The following AMPH variants were observed in gnomAD, a reference collection of about 807,000 sequenced individuals.
The protein encoded by AMPH is amphiphysin (Stiff-Mann syndrome with breast cancer 128kD autoantigen).
A neutral mutation model predicts 99.1 loss-of-function variants in AMPH; 49 were observed. The ratio of observed to expected loss-of-function variants is 0.49; its 90% CI spans 0.39 to 0.63. AMPH has a LOEUF of 0.63. Among genes scored for constraint, AMPH ranks in the 20% least tolerant of loss-of-function variants. The pLI, the probability that AMPH is intolerant of heterozygous loss-of-function variation, is 0.00. For synonymous variants in AMPH, 314 were observed against 317.3 expected (o/e 0.99, Z 0.11); for missense variants, 759 against 863.4 (o/e 0.88, Z 1.52).
At chr7:38,523,882 C>T (rs1790064520) in intron 2 of AMPH, among the ~76,000 whole-genome samples, 1 of 151,980 alleles carries the variant, frequency 6.6e-6, no homozygotes, top group Non-Finnish European at 1.5e-5. Flanking sequence ...CAGTCTCAAA[C>T]TATATCCCCA....
intron 1 of AMPH, among the ~76,000 whole-genome samples, chr7:38,611,576 T>C (rs1793680305): frequency 6.6e-6 from 1 of 152,252 alleles, no homozygotes; most frequent in South Asian, 2.1e-4. Context: ...ACATACAGCC[T>C]TAATGGCTAA....
intron 1 of AMPH, among the ~76,000 whole-genome samples, chr7:38,600,250 T>C (rs1793200822): frequency 6.6e-6 from 1 of 152,138 alleles, no homozygotes; most frequent in Admixed American, 6.6e-5. Context: ...CAATCATGAG[T>C]TTTAAGCAAA....
At chr7:38,458,679 T>TC (rs1239019609) in intron 11 of AMPH, among the ~76,000 whole-genome samples, 11 of 152,212 alleles carry the variant, frequency 7.2e-5, no homozygotes, top group Middle Eastern at 6.8e-3. Context: ...ATGAAAACTC[T>TC]CAACCAACTA....
chr7:38,578,995 G>C (rs1335489065), intron 1 of AMPH, among the ~76,000 whole-genome samples: 1 of 152,096 alleles, frequency 6.6e-6, no homozygotes, highest in Non-Finnish European at 1.5e-5. Flanking sequence ...TTGTACACTT[G>C]TAAGAGAATG....
rs1181394921 is a variant in AMPH, at chr7:38,491,233, G to A, written c.301-88C>T. 349 of 881,150 alleles carry A rather than the reference G, an allele frequency of 4.0e-4. 1 individual carries two copies. Among genetic ancestry groups the A allele is most frequent in the Non-Finnish European group, 4.6e-5 (25 of 544,808 alleles). The allele number at this position is 881,150 out of a possible 1,614,324, so 54.6% of individuals were successfully genotyped here. A position where few individuals can be genotyped will look rare whatever the true frequency, so the allele number is the denominator to read the frequency against. On this transcript the variant is annotated intron_variant, in intron 4 of 20. Coordinates refer to ENST00000356264, the MANE Select transcript of AMPH (RefSeq NM_001635.4). ...AAAAAAATCTGAAACTATAAAATTA[G>A]ACAAGTAATACTTTCCCAGATATGA...
chr7:38,531,009 C>T (rs1480984933), intron 2 of AMPH: 1 of 152,096 alleles, frequency 6.6e-6, no homozygotes, highest in Non-Finnish European at 1.5e-5. Context: ...TTCTTTCTTT[C>T]TTTCCTTCCT....
chr7:38,508,428 T>C (rs868688173), intron 2 of AMPH, among the ~76,000 whole-genome samples: 1 of 152,358 alleles, frequency 6.6e-6, no homozygotes, highest in Middle Eastern at 3.4e-3. Context: ...AACTTATGTT[T>C]ATAAGTAACT....
intron 1 of AMPH, among the ~76,000 whole-genome samples, chr7:38,569,318 C>T (rs1434112991): frequency 6.6e-6 from 1 of 150,550 alleles, no homozygotes; most frequent in East Asian, 1.9e-4. Flanking sequence ...AATTTACAAT[C>T]ATAAAAAGTA....
At chr7:38,429,993 T>G in intron 13 of AMPH, 128 bp from the exon 14 acceptor site, 1 of 862,314 alleles carries the variant, frequency 1.2e-6, no homozygotes, top group Non-Finnish European at 1.7e-6. Context: ...GGAACAAATT[T>G]TACAACTTGT....
At chr7:38,486,659 A>G (rs1173757109) in intron 5 of AMPH, among the ~76,000 whole-genome samples, 3 of 152,114 alleles carry the variant, frequency 2.0e-5, no homozygotes, top group African/African-American at 7.2e-5. Context: ...CGTGATTAAC[A>G]TAGATGCAAA....
chr7:38,599,953 G>C (rs1226033561), intron 1 of AMPH, among the ~76,000 whole-genome samples: 1 of 151,830 alleles, frequency 6.6e-6, no homozygotes, highest in Non-Finnish European at 1.5e-5. Context: ...AAATATCGTT[G>C]TATCTTTTTA....
intron 2 of AMPH, among the ~76,000 whole-genome samples, chr7:38,510,498 C>A (rs1172070508): frequency 6.6e-6 from 1 of 152,178 alleles, no homozygotes; most frequent in African/African-American, 2.4e-5. Context: ...TACTGAGTGG[C>A]CACTTTGATC....
intron 2 of AMPH, among the ~76,000 whole-genome samples, chr7:38,508,672 A>T (rs569662247): frequency 1.3e-5 from 2 of 152,280 alleles, no homozygotes; most frequent in African/African-American, 4.8e-5. Context: ...CTGTGATCAT[A>T]AGCCTATAGA....
chr7:38,466,256 G>A lies in AMPH; in HGVS notation c.591-8C>T. ...ACATAAAATCCAACTCGTCTGCCAT[G>A]TGGAAACACAAAGAGGAAAGAAGAG... On this transcript the variant is annotated splice_region_variant and splice_polypyrimidine_tract_variant and intron_variant, in intron 7 of 20. Coordinates refer to ENST00000356264, the MANE Select transcript of AMPH (RefSeq NM_001635.4). 3 of 1,584,208 alleles carry A rather than the reference G, an allele frequency of 1.9e-6. No individual in the cohort carries two copies. The highest frequency in any genetic ancestry group is 2.6e-6 in the Non-Finnish European group (3 of 1,170,016).
intron 1 of AMPH, among the ~76,000 whole-genome samples, chr7:38,595,158 G>A (rs897795076): frequency 5.9e-5 from 9 of 152,124 alleles, no homozygotes; most frequent in Non-Finnish European, 7.4e-5. Flanking sequence ...GATACACAAC[G>A]ACGCTGCCCC....
chr7:38,555,857 T>G (rs1791344689), intron 1 of AMPH, among the ~76,000 whole-genome samples: 1 of 152,112 alleles, frequency 6.6e-6, no homozygotes, highest in African/African-American at 2.4e-5. Flanking sequence ...GAAAAAAAAT[T>G]TATTGAGAAA....
At chr7:38,570,109 G>A (rs934903427) in intron 1 of AMPH, among the ~76,000 whole-genome samples, 1 of 152,112 alleles carries the variant, frequency 6.6e-6, no homozygotes, top group African/African-American at 2.4e-5. Context: ...TGGAGGCCCA[G>A]GACTCCAAGT....
At chr7:38,604,655 T>C (rs1359618731) in intron 1 of AMPH, among the ~76,000 whole-genome samples, 3 of 151,860 alleles carry the variant, frequency 2.0e-5, no homozygotes, top group Non-Finnish European at 4.4e-5. Context: ...ACTGGAAGAG[T>C]CCTTCATCCA....
intron 5 of AMPH, among the ~76,000 whole-genome samples, chr7:38,488,054 G>T (rs1788575679): frequency 1.3e-5 from 2 of 152,204 alleles, no homozygotes; most frequent in South Asian, 4.1e-4. Flanking sequence ...GGAGAAATAG[G>T]AACGCTTTTA....
Sources: gnomAD v4.1 joint callset for allele counts (sites outside exome capture counted in the v4.1 genomes callset) on GRCh38, gnomAD v4.1.1 for gene constraint, MANE v1.5 for transcripts, NCBI Gene and HGNC (gene_info 2026-07-23, HGNC 2026-07-21) for gene names.